NBEAL2: variants seen among roughly 807,000 people sequenced by gnomAD.
The protein encoded by NBEAL2 is neurobeachin-like protein 2.
NBEAL2 carries 160 observed loss-of-function variants against 299.8 expected under a neutral mutation model. The ratio of observed to expected loss-of-function variants is 0.53; its 90% CI spans 0.47 to 0.61. NBEAL2 has a LOEUF of 0.61. Ranked by LOEUF, NBEAL2 falls within the 20% of genes least tolerant of loss-of-function variation. The probability of loss-of-function intolerance (pLI) is 0.00; values close to 1 mark genes in which losing one functional copy is unlikely to be tolerated. For synonymous variants in NBEAL2, 1,493 were observed against 1,542.3 expected, an observed-to-expected ratio of 0.97 and a Z score of 0.75; for missense variants, 3,112 against 3,649.0, an observed-to-expected ratio of 0.85 and a Z score of 3.79.
rs1192273563 is a variant in NBEAL2 at position 46,992,539 on chromosome 3, A to T, written c.1097A>T (p.Glu366Val). 3.8e-6 allele frequency: 6 copies of T among 1,599,544 alleles called. No individual in the cohort carries two copies. The highest frequency in any genetic ancestry group is 5.1e-6 in the Non-Finnish European group (6 of 1,173,580). Residue 366 changes from glutamate (E) to valine (V), a missense_variant, in exon 10 of 54, where the codon GAG becomes GTG. Physicochemically the swap from Glu to Val is moderately radical, Grantham distance 121 (BLOSUM62 -2). Coordinates refer to ENST00000450053, the MANE Select transcript of NBEAL2 (RefSeq NM_015175.3). The part of the protein sequence containing the change: ...DSDLATRLLT[E>V]PDVQKVLDQD... ...GACCTGGCTACCCGGTTACTGACTG[A>T]GCCCGATGTCCAAAAGGTACCATCC...
chr3:46,995,230 T>C lies in NBEAL2; in HGVS notation c.1495T>C (p.Leu499=). The change falls in exon 13 of 54, where the codon TTG becomes CTG. Residue 499 remains leucine (L), a synonymous_variant. Transcript: ENST00000450053. ...GCAGGCAGGCCTGGTGGGCTGCCTGTTGGAGACACTCAGCACAGGGCTAGC... is the reference window on the plus strand; with the variant it reads ...GCAGGCAGGCCTGGTGGGCTGCCTGCTGGAGACACTCAGCACAGGGCTAGC... ...CVQAGLVGCL[L]ETLSTGLALE... 6.4e-7 allele frequency: 1 copy of C among 1,555,586 alleles called. No individual in the cohort carries two copies. Among genetic ancestry groups the C allele is most frequent in the South Asian group, 1.2e-5 (1 of 84,870 alleles).
At position 47,001,900 on chromosome 3, in the gene NBEAL2, C is replaced by T; in HGVS notation, c.4783-20C>T. On this transcript the variant is annotated intron_variant, in intron 30 of 53. Coordinates refer to ENST00000450053, the MANE Select transcript of NBEAL2 (RefSeq NM_015175.3). The surrounding 1 kb of genome is among the most constrained non-coding windows in gnomAD (Gnocchi z 6.1). ...GCTCCAAGAGTGGCTGGGTGCCACT[C>T]ATCTCTCTTGCGCCCACAGCTGCAT... 1 of 1,605,816 alleles carries T rather than the reference C, an allele frequency of 6.2e-7. No homozygotes were observed.
chr3:46,996,624 C>T, intron 16 of NBEAL2, 32 bp downstream of exon 16: 1 of 1,484,540 alleles, frequency 6.7e-7, no homozygotes, highest in African/African-American at 1.6e-5. Context: ...TGCCACAGCC[C>T]CAGGCCAGAA....
rs776410067 is a variant in NBEAL2, at chr3:47,004,353, G to A, written c.6158G>A (p.Arg2053His). Reference sequence around the variant, plus strand: ...CCCTCTCAAGGCTACCTAAGCAGCCGCTCCCCCCAGGAGATGCTGCGTGCC... The same window carrying A: ...CCCTCTCAAGGCTACCTAAGCAGCCACTCCCCCCAGGAGATGCTGCGTGCC... ...RPPSQGYLSS[R>H]SPQEMLRASG... Residue 2053 changes from arginine (R) to histidine (H), a missense_variant, in exon 37 of 54, where the codon CGC becomes CAC. Transcript: ENST00000450053. The surrounding 1 kb of genome is among the most constrained non-coding windows in gnomAD (Gnocchi z 5.0). 10 of 1,603,794 alleles carry A rather than the reference G, an allele frequency of 6.2e-6. No individual in the cohort carries two copies. Among genetic ancestry groups the A allele is most frequent in the Non-Finnish European group, 7.7e-6 (9 of 1,173,916 alleles).
chr3:46,993,658 G>A (rs924544408), intron 10 of NBEAL2, among the ~76,000 whole-genome samples: 1 of 152,152 alleles, frequency 6.6e-6, no homozygotes, highest in Non-Finnish European at 1.5e-5. Context: ...GGGACTGGAG[G>A]GTGCAGTCAG....
chr3:47,008,792 C>A, intron 52 of NBEAL2, 124 bp downstream of exon 52: 1 of 1,476,240 alleles, frequency 6.8e-7, no homozygotes, highest in Non-Finnish European at 9.1e-7. Flanking sequence ...TGTTACCTGT[C>A]CCTTCATCTT....
At position 47,002,325 on chromosome 3, in the gene NBEAL2, G is replaced by C. The variant is rs190479760; in HGVS notation, c.5151+37G>C. 1.5e-5 allele frequency: 24 copies of C among 1,601,710 alleles called. No individual in the cohort carries two copies. The East Asian group carries it at 5.4e-4, about 36-fold the overall frequency. ...TTGGGGCCCAGGAAGAGGAGTGGGG[G>C]CTGGGGCCCACATCGAGCACTGTTC... On this transcript the variant is annotated intron_variant, in intron 31 of 53. Transcript: ENST00000450053.
At chr3:47,007,455 CAG>C (rs1450886150) in intron 47 of NBEAL2, 68 bp from the exon 48 acceptor site, 1 of 1,564,322 alleles carries the variant, frequency 6.4e-7, no homozygotes, top group Non-Finnish European at 8.7e-7. Flanking sequence ...AAGGTCTGGC[CAG>C]GCTCCCTGAG....
intron 11 of NBEAL2, 100 bp downstream of exon 11, chr3:46,994,120 C>T: frequency 7.9e-7 from 1 of 1,272,448 alleles, no homozygotes; most frequent in Non-Finnish European, 1.1e-6. Flanking sequence ...GCATCCTGCT[C>T]CCTGGAGCAA....
At position 47,004,808 on chromosome 3, in the gene NBEAL2, C is replaced by G; in HGVS notation, c.6295-164C>G. On this transcript the variant is annotated intron_variant, in intron 38 of 53. Transcript: ENST00000450053. The surrounding 1 kb of genome is among the most constrained non-coding windows in gnomAD (Gnocchi z 5.0). ...TAGCCTCTATTCCTCAAAAGGAATC[C>G]TGTTCCAGGACACTCTGTCCTTCTC... 1 of 1,174,772 alleles carries G rather than the reference C, an allele frequency of 8.5e-7. No individual in the cohort carries two copies. The highest frequency in any genetic ancestry group is 1.2e-6 in the Non-Finnish European group (1 of 833,878). 72.8% of individuals were successfully genotyped at this position (1,174,772 alleles called of 1,614,324 possible). A position where few individuals can be genotyped will look rare whatever the true frequency, so the allele number is the denominator to read the frequency against.
In NBEAL2 at chr3:47,001,026, A is replaced by G; in HGVS notation, c.4331A>G (p.Asn1444Ser). 13 of 1,611,216 alleles carry G rather than the reference A, an allele frequency of 8.1e-6. No individual in the cohort carries two copies. Among genetic ancestry groups the G allele is most frequent in the Non-Finnish European group, 1.1e-5 (13 of 1,178,932 alleles). ...CAAACCTCTGAGGAAGAGTTGTGCA[A>G]TCTGCTCACCAACGTGCTGTTCTCG... is the stretch of plus-strand genomic sequence containing the variant. ...PQQTSEEELC[N>S]LLTNVLFSVT... is the part of the protein sequence containing the mutation. Residue 1444 changes from asparagine to serine, a missense_variant, in exon 28 of 54, where the codon AAT (asparagine) becomes AGT (serine). Transcript: ENST00000450053. This position sits in a 1 kb window ranked among gnomAD's most constrained non-coding sequence, Gnocchi z 6.1.
At chr3:46,999,527 C>T in intron 25 of NBEAL2, 53 bp downstream of exon 25, 7 of 1,583,246 alleles carry the variant, frequency 4.4e-6, no homozygotes, top group Non-Finnish European at 6.0e-6. Context: ...AAAAACAGGG[C>T]AGGCAGGCCG....
In NBEAL2 at chr3:47,004,672, A is replaced by G; in HGVS notation, c.6294+82A>G. ...GTTCCCCCAAGTGTAGGTACCTGCCAGTGGGCCAAGCTCTGAGCTTGGTCA... is the reference window on the plus strand; with the variant it reads ...GTTCCCCCAAGTGTAGGTACCTGCCGGTGGGCCAAGCTCTGAGCTTGGTCA... On this transcript the variant is annotated intron_variant, in intron 38 of 53. Coordinates refer to ENST00000450053, the MANE Select transcript of NBEAL2 (RefSeq NM_015175.3). The surrounding 1 kb of genome is among the most constrained non-coding windows in gnomAD (Gnocchi z 5.0). 7.1e-7 allele frequency: 1 copy of G among 1,399,866 alleles called. No individual in the cohort carries two copies. Among genetic ancestry groups the G allele is most frequent in the Non-Finnish European group, 1.0e-6 (1 of 989,574 alleles). The allele number at this position is 1,399,866 out of a possible 1,614,324, so 86.7% of individuals were successfully genotyped here.
rs1452057659 is a variant in NBEAL2, at chr3:47,003,239, G to A, written c.5650G>A (p.Val1884Met). 11 of 1,613,160 alleles carry A rather than the reference G, an allele frequency of 6.8e-6. No homozygotes were observed. The highest frequency in any genetic ancestry group is 1.6e-4 in the Middle Eastern group (1 of 6,084). The change falls in exon 35 of 54, where the codon GTG becomes ATG. Residue 1884 changes from valine (V) to methionine (M), a missense_variant. By Grantham distance (21) the Val-to-Met change is conservative. Transcript: ENST00000450053. This position sits in a 1 kb window ranked among gnomAD's most constrained non-coding sequence, Gnocchi z 7.0. ...LPLAVTKEAK[V>M]STPPELLQED... Reference sequence around the variant, plus strand: ...TCTGGCAGTGACCAAAGAGGCCAAAGTGAGCACCCCACCCGAGTTGCTGCA... The same window carrying A: ...TCTGGCAGTGACCAAAGAGGCCAAAATGAGCACCCCACCCGAGTTGCTGCA...
rs1376868842 is a variant in NBEAL2 at position 47,000,335 on chromosome 3, G to A, written c.4236G>A (p.Val1412=). The change falls in exon 27 of 54, where the codon GTG becomes GTA. Residue 1412 remains valine, a synonymous_variant. Coordinates refer to ENST00000450053, the MANE Select transcript of NBEAL2 (RefSeq NM_015175.3). The surrounding 1 kb of genome is among the most constrained non-coding windows in gnomAD (Gnocchi z 4.5). ...GCCACAGCTCCAGTCTCTCCAATGT[G>A]CTGGAGGACGGCAGCCTCCCGGAGC... is the stretch of plus-strand genomic sequence containing the variant. ...PGRHSSSLSN[V]LEDGSLPEPT... is the part of the protein sequence containing the mutation. 1 of 1,605,270 alleles carries A rather than the reference G, an allele frequency of 6.2e-7. No individual in the cohort carries two copies. The highest frequency in any genetic ancestry group is 8.5e-7 in the Non-Finnish European group (1 of 1,173,922).
Position 47,004,316 on chromosome 3 carries a change from C to G in NBEAL2, c.6121C>G (p.Arg2041Gly). 1.9e-6 allele frequency: 3 copies of G among 1,611,606 alleles called. No homozygotes were observed. The highest frequency in any genetic ancestry group is 2.5e-6 in the Non-Finnish European group (3 of 1,178,454). Residue 2041 changes from arginine to glycine, a missense_variant, in exon 37 of 54, where the codon CGC becomes GGC. Arg to Gly is a moderately radical substitution (Grantham distance 125). Around this residue, in one of 3 missense-constraint regions of NBEAL2, gnomAD observed 521 missense variants for 729.6 expected, o/e 0.71. Transcript: ENST00000450053. The surrounding 1 kb of genome is among the most constrained non-coding windows in gnomAD (Gnocchi z 5.0). ...VRNQVYSWLL[R>G]LRPPSQGYLS... is the part of the protein sequence containing the mutation. ...GAACCAGGTGTACTCGTGGCTCCTGCGCCTACGGCCCCCCTCTCAAGGCTA... is the reference window on the plus strand; with the variant it reads ...GAACCAGGTGTACTCGTGGCTCCTGGGCCTACGGCCCCCCTCTCAAGGCTA...
chr3:47,008,870 A>G, intron 52 of NBEAL2, 119 bp from the exon 53 acceptor site: 1 of 1,492,202 alleles, frequency 6.7e-7, no homozygotes, highest in Non-Finnish European at 9.1e-7. Context: ...TGTGTATAAG[A>G]ATTTCAATTT....
At position 47,001,584 on chromosome 3, in the gene NBEAL2, G is replaced by A. The variant is rs1291926264; in HGVS notation, c.4645-105G>A. The A allele has an allele frequency of 1.3e-6, 2 of 1,570,770 alleles. No homozygotes were observed. The highest frequency in any genetic ancestry group is 1.7e-6 in the Non-Finnish European group (2 of 1,156,898). ...CCTGTGAGTGTGGACTTGCCTGTGT[G>A]CACAAACCCTACCTGGCCCCCAGCG... On this transcript the variant is annotated intron_variant, in intron 29 of 53. Transcript: ENST00000450053. The surrounding 1 kb of genome is among the most constrained non-coding windows in gnomAD (Gnocchi z 6.1).
chr3:46,991,068 G>A lies in NBEAL2; in HGVS notation c.557-151G>A. On this transcript the variant is annotated intron_variant, in intron 6 of 53. Transcript: ENST00000450053. The surrounding 1 kb of genome is among the most constrained non-coding windows in gnomAD (Gnocchi z 6.2). ...CATAACTCCTTAGATGCCCCCCAGG[G>A]CAGAGCCAGCTCTTATCCCTCACAC... 1.5e-6 allele frequency: 1 copy of A among 679,394 alleles called. No homozygotes were observed. The highest frequency in any genetic ancestry group is 2.7e-5 in the East Asian group (1 of 36,778). 42.1% of individuals were successfully genotyped at this position (679,394 alleles called of 1,614,324 possible). A position where few individuals can be genotyped will look rare whatever the true frequency, so the allele number is the denominator to read the frequency against.
Sources: gnomAD v4.1 joint callset for allele counts (sites outside exome capture counted in the v4.1 genomes callset) on GRCh38, gnomAD v4.1.1 for gene constraint, gnomAD v4.1.1 regional missense constraint, Gnocchi (gnomAD v3.1) non-coding constraint, MANE v1.5 for transcripts, NCBI Gene and HGNC (gene_info 2026-07-23, HGNC 2026-07-21) for gene names.